PCID2: variants seen among roughly 807,000 people sequenced by gnomAD.
PCID2 encodes the protein PCI domain-containing protein 2.
PCID2 carries 41 observed loss-of-function variants against 61.3 expected under a neutral mutation model. The ratio of observed to expected loss-of-function variants is 0.67; its 90% confidence interval spans 0.52 to 0.87. The LOEUF (loss-of-function observed/expected upper bound fraction) is 0.87. PCID2 is among the 40% of genes least tolerant of loss of function. The pLI, the probability that PCID2 is intolerant of heterozygous loss-of-function variation, is 0.00. For missense variants in PCID2, 392 were observed against 493.4 expected (o/e 0.79, Z 1.95); for synonymous variants, 187 against 177.8 (o/e 1.05, Z -0.41).
At chr13:113,167,321 G>A in the PCID2 span, among the ~76,000 whole-genome samples, 1 of 152,334 alleles carries the variant, frequency 6.6e-6, no homozygotes, top group South Asian at 2.1e-4. Flanking sequence ...TCAACAAGTG[G>A]CAGCTATTAT....
At chr13:113,199,368 GCT>G (rs1228313454) in intron 2 of PCID2, among the ~76,000 whole-genome samples, 2 of 152,244 alleles carry the variant, frequency 1.3e-5, no homozygotes, top group South Asian at 2.1e-4. Flanking sequence ...TATCCCACTG[GCT>G]CTGTTTCTCT....
At chr13:113,197,379 T>G (rs1482208622) in intron 3 of PCID2, 136 bp from the exon 4 acceptor site, 1 of 667,764 alleles carries the variant, frequency 1.5e-6, no homozygotes, top group Non-Finnish European at 2.7e-6. Context: ...CACAAATGGC[T>G]GAACACAAAC....
At chr13:113,171,740 G>A in the PCID2 span, 35 of 1,612,042 alleles carry the variant, frequency 2.2e-5, 1 homozygote, top group South Asian at 2.5e-4. This position sits in a 1 kb window ranked among gnomAD's most constrained non-coding sequence, Gnocchi z 5.1. Context: ...GGGGCTCCCC[G>A]TGTGCACCCC....
At chr13:113,198,328 A>C (rs193147439) in intron 2 of PCID2, 64 bp from the exon 3 acceptor site, 1 of 962,750 alleles carries the variant, frequency 1.0e-6, no homozygotes, top group Non-Finnish European at 1.6e-6. Flanking sequence ...TGCAACATAT[A>C]GAAAGAGATT....
At chr13:113,175,687 G>A (rs576560046), downstream of PCID2, among the ~76,000 whole-genome samples, 4 of 152,238 alleles carry the variant, frequency 2.6e-5, no homozygotes, top group Non-Finnish European at 5.9e-5. Context: ...CCTTGCTGCT[G>A]CTGGGGAGCA....
At chr13:113,191,100 T>G in intron 6 of PCID2, 125 bp from the exon 7 acceptor site, 1 of 529,048 alleles carries the variant, frequency 1.9e-6, no homozygotes, top group South Asian at 3.4e-5. Flanking sequence ...TCCACTGATC[T>G]TCCCATCTCA....
At position 113,179,110 on chromosome 13, in the gene PCID2, G is replaced by C; in HGVS notation, c.987-21C>G. The C allele has an allele frequency of 6.2e-7, 1 of 1,608,340 alleles. No individual in the cohort carries two copies. Among genetic ancestry groups the C allele is most frequent in the Non-Finnish European group, 8.5e-7 (1 of 1,177,374 alleles). On this transcript the variant is annotated intron_variant, in intron 12 of 13. Transcript: ENST00000337344. The surrounding 1 kb of genome is among the most constrained non-coding windows in gnomAD (Gnocchi z 4.3). ...AATACCTGGAAGAGGGGAGGAGAAG[G>C]GCACTGTGGTTACCGACAGGATGCA...
At position 113,196,288 on chromosome 13, in the gene PCID2, A is replaced by G. The variant is rs578225679; in HGVS notation, c.267-66T>C. 4.3e-5 allele frequency: 54 copies of G among 1,245,458 alleles called. No individual in the cohort carries two copies. In the African/African-American group the frequency reaches 7.4e-4, roughly 17 times the overall value. The allele number at this position is 1,245,458 out of a possible 1,614,324, so 77.2% of individuals were successfully genotyped here. On this transcript the variant is annotated intron_variant, in intron 4 of 13. Transcript: ENST00000337344. ...ATGCTACGTACGATAAAAGTAAAGA[A>G]TAAGAATCTAAATTTTAAGGAATGT...
intron 5 of PCID2, 142 bp downstream of exon 5, chr13:113,196,039 T>C (rs2038988275): frequency 4.7e-6 from 3 of 631,648 alleles, no homozygotes; most frequent in Non-Finnish European, 8.8e-6. Context: ...CTCATCTGTG[T>C]AGATATTACC....
At chr13:113,180,521 T>C (rs998121133) in intron 10 of PCID2, among the ~76,000 whole-genome samples, 1 of 152,236 alleles carries the variant, frequency 6.6e-6, no homozygotes, top group East Asian at 1.9e-4. Context: ...AATGCTAGTA[T>C]AAGCATGAGA....
At chr13:113,172,641 C>T (rs2037136947), downstream of PCID2, among the ~76,000 whole-genome samples, 2 of 152,202 alleles carry the variant, frequency 1.3e-5, no homozygotes, top group African/African-American at 4.8e-5. Context: ...CCCAGAGAGG[C>T]AGCATTAGAG....
chr13:113,170,906 G>A, the PCID2 span, among the ~76,000 whole-genome samples: 1 of 150,566 alleles, frequency 6.6e-6, no homozygotes, highest in Admixed American at 6.7e-5. Flanking sequence ...CTTCTCATCG[G>A]CTTATCTGTG....
At chr13:113,183,668 G>T in intron 9 of PCID2, 1 of 617,100 alleles carries the variant, frequency 1.6e-6, no homozygotes, top group Non-Finnish European at 2.0e-6. Flanking sequence ...TCCACAAACA[G>T]CTGAAGAAGA....
chr13:113,175,273 T>A (rs1378431782), downstream of PCID2, among the ~76,000 whole-genome samples: 1 of 152,214 alleles, frequency 6.6e-6, no homozygotes, highest in Non-Finnish European at 1.5e-5. Context: ...TGAGGTTGTT[T>A]CTTTCATCGC....
At chr13:113,208,511 A>G in intron 1 of PCID2, 88 bp downstream of exon 1, 1 of 1,555,638 alleles carries the variant, frequency 6.4e-7, no homozygotes, top group South Asian at 1.2e-5. Context: ...CGGGAAAGGA[A>G]AAGGCCTGAG....
the PCID2 span, chr13:113,170,360 C>G: frequency 8.7e-7 from 1 of 1,147,798 alleles, no homozygotes; most frequent in African/African-American, 1.5e-5. Flanking sequence ...CTTTACTGCC[C>G]CTAATCCTGC....
the PCID2 span, among the ~76,000 whole-genome samples, chr13:113,168,624 TTTAA>T: frequency 6.6e-6 from 1 of 152,272 alleles, no homozygotes; most frequent in Non-Finnish European, 1.5e-5. Flanking sequence ...GGATTTTGAA[TTTAA>T]TTATACTGTG....
intron 6 of PCID2, among the ~76,000 whole-genome samples, chr13:113,192,126 C>T (rs1195117098): frequency 1.3e-5 from 2 of 152,040 alleles, no homozygotes; most frequent in Non-Finnish European, 2.9e-5. Context: ...GGTATCATGG[C>T]GTAGACCTGT....
the PCID2 span, chr13:113,172,380 T>A: frequency 2.9e-5 from 13 of 452,624 alleles, no homozygotes; most frequent in Non-Finnish European, 5.3e-5. Context: ...CTGTCAGTCA[T>A]AAAGCAGCCT....
Sources: allele counts gnomAD v4.1 joint callset (sites outside exome capture counted in the v4.1 genomes callset), GRCh38; gene constraint gnomAD v4.1.1; non-coding constraint Gnocchi (gnomAD v3.1); transcripts MANE v1.5; gene names NCBI Gene and HGNC (gene_info 2026-07-23, HGNC 2026-07-21).